The following NRCAM variants were observed in gnomAD, a reference collection of about 807,000 sequenced individuals.
NRCAM encodes neuronal cell adhesion molecule.
Under a neutral mutation model 156.5 loss-of-function variants are expected in NRCAM, and 83 were observed. The ratio of observed to expected loss-of-function variants is 0.53; its 90% CI spans 0.44 to 0.64. The LOEUF (loss-of-function observed/expected upper bound fraction) is 0.64, where lower values mean the gene tolerates loss of function less well. Among genes scored for constraint, NRCAM ranks in the 30% least tolerant of loss-of-function variants. The probability of loss-of-function intolerance (pLI) is 0.00; values close to 1 mark genes in which losing one functional copy is unlikely to be tolerated. For synonymous variants in NRCAM, 538 were observed against 563.9 expected (o/e 0.95, Z 0.65); for missense variants, 1,417 against 1,597.3 (o/e 0.89, Z 1.92).
intron 1 of NRCAM, among the ~76,000 whole-genome samples, chr7:108,412,485 T>G (rs1007586479): frequency 6.6e-5 from 10 of 152,224 alleles, no homozygotes; most frequent in African/African-American, 2.2e-4. Flanking sequence ...GAAATATATA[T>G]GCATTGTGGC....
intron 1 of NRCAM, among the ~76,000 whole-genome samples, chr7:108,403,059 T>C (rs190236841): frequency 4.5e-4 from 68 of 152,232 alleles, no homozygotes; most frequent in Non-Finnish European, 7.5e-4. Context: ...CTCCTTAGAG[T>C]GTCTTGAGTG....
At chr7:108,198,153 T>C (rs1328447871) in intron 13 of NRCAM, 54 bp from the exon 14 acceptor site, 1 of 1,449,106 alleles carries the variant, frequency 6.9e-7, no homozygotes, top group African/African-American at 1.4e-5. Flanking sequence ...AAAAGATGTA[T>C]ATTAAGCTTG....
intron 3 of NRCAM, among the ~76,000 whole-genome samples, chr7:108,304,594 C>T (rs916091350): frequency 6.6e-6 from 1 of 151,982 alleles, no homozygotes; most frequent in African/African-American, 2.4e-5. Context: ...ATGTAGATTC[C>T]ATAAATTAGT....
chr7:108,261,334 A>G (rs1287511427), intron 3 of NRCAM, among the ~76,000 whole-genome samples: 1 of 152,210 alleles, frequency 6.6e-6, no homozygotes, highest in East Asian at 1.9e-4. Context: ...TTTTCAGCAT[A>G]TATCACCACC....
chr7:108,325,189 A>G (rs1337239542), intron 2 of NRCAM, among the ~76,000 whole-genome samples: 2 of 152,064 alleles, frequency 1.3e-5, no homozygotes, highest in Admixed American at 6.6e-5. Flanking sequence ...ACCAATGGAG[A>G]AGAGAAAATG....
Position 108,160,501 on chromosome 7 carries a change from C to A in NRCAM, c.3467-9G>T, listed in dbSNP as rs1281049884. 2 of 1,612,844 alleles carry A rather than the reference C, an allele frequency of 1.2e-6. No individual in the cohort carries two copies. The highest frequency in any genetic ancestry group is 2.2e-5 in the East Asian group (1 of 44,834). On this transcript the variant is annotated splice_polypyrimidine_tract_variant and intron_variant, in intron 30 of 32. Coordinates refer to ENST00000379028, the MANE Select transcript of NRCAM (RefSeq NM_001037132.4). Reference sequence around the variant, plus strand: ...CTGCCGGCTTGCCATCGCTGGAAAACAAATCAATGGTGTTGGTGGCAATAG... The same window carrying A: ...CTGCCGGCTTGCCATCGCTGGAAAAAAAATCAATGGTGTTGGTGGCAATAG...
At chr7:108,243,914 T>C (rs914493963) in intron 3 of NRCAM, among the ~76,000 whole-genome samples, 2 of 152,212 alleles carry the variant, frequency 1.3e-5, no homozygotes, top group African/African-American at 4.8e-5. Flanking sequence ...GGTTCCCTTA[T>C]TTCTTTTGCC....
At chr7:108,163,141 T>C (rs971202039) in intron 30 of NRCAM, among the ~76,000 whole-genome samples, 1 of 152,160 alleles carries the variant, frequency 6.6e-6, no homozygotes, top group African/African-American at 2.4e-5. Flanking sequence ...TAAAAGAGAA[T>C]CTTCATTACT....
chr7:108,191,808 G>C lies in NRCAM; in HGVS notation c.1824C>G (p.Asp608Glu), dbSNP rs371709717. The change falls in exon 18 of 33, where the codon GAC becomes GAG. Residue 608 changes from aspartate (D) to glutamate (E), a missense_variant. Asp to Glu is a conservative substitution (Grantham distance 45). This residue lies in a region of NRCAM where 1,238 missense variants were observed against 1,336.4 expected (regional missense o/e 0.93). Coordinates refer to ENST00000379028, the MANE Select transcript of NRCAM (RefSeq NM_001037132.4). ...CACACGTGTAGGTCCCGCTGTCATCGTCACTGACATCAGCTACCACTAGAT... is the reference window on the plus strand; with the variant it reads ...CACACGTGTAGGTCCCGCTGTCATCCTCACTGACATCAGCTACCACTAGAT... Reference protein sequence around the residue: ...KDHLVVADVSDDDSGTYTCVA... With the variant: ...KDHLVVADVSEDDSGTYTCVA... The C allele has an allele frequency of 6.2e-7, 1 of 1,613,532 alleles. No individual in the cohort carries two copies. Among genetic ancestry groups the C allele is most frequent in the Admixed American group, 1.7e-5 (1 of 60,016 alleles).
rs763654132 is a variant in NRCAM at position 108,160,473 on chromosome 7, C to G, written c.3486G>C (p.Val1162=). The G allele has an allele frequency of 6.2e-7, 1 of 1,613,124 alleles. No individual in the cohort carries two copies. Residue 1162 remains valine (V), a synonymous_variant, in exon 31 of 33, where the codon GTG becomes GTC. Transcript: ENST00000379028. The part of the protein sequence containing the change: ...ETGPAMASRQ[V]DIATQGWFIG... ...TGAACCAGCCCTGAGTTGCAATATC[C>G]ACCTGCCGGCTTGCCATCGCTGGAA... is the stretch of plus-strand genomic sequence containing the variant.
chr7:108,233,942 G>T (rs2094609104), intron 6 of NRCAM, among the ~76,000 whole-genome samples: 1 of 152,148 alleles, frequency 6.6e-6, no homozygotes, highest in South Asian at 2.1e-4. Context: ...TGGTTGGACT[G>T]GGTTATCTCT....
At position 108,181,953 on chromosome 7, in the gene NRCAM, G is replaced by A. The variant is rs2063718547; in HGVS notation, c.2531-16C>T. 5.8e-6 allele frequency: 9 copies of A among 1,548,726 alleles called. No homozygotes were observed. Among genetic ancestry groups the A allele is most frequent in the South Asian group, 1.1e-5 (1 of 88,994 alleles). On this transcript the variant is annotated splice_polypyrimidine_tract_variant and intron_variant, in intron 23 of 32. Transcript: ENST00000379028. ...ACCATTGGGACTAGGAAAAGGACAG[G>A]GAAGTGGTAGAAGTATCAATGTTAT...
intron 2 of NRCAM, among the ~76,000 whole-genome samples, chr7:108,357,868 G>C (rs1486868684): frequency 6.6e-6 from 1 of 152,106 alleles, no homozygotes; most frequent in African/African-American, 2.4e-5. Flanking sequence ...TATTTGGAGA[G>C]GGAAAGAATA....
chr7:108,298,909 C>T (rs1404351188), intron 3 of NRCAM, among the ~76,000 whole-genome samples: 4 of 150,354 alleles, frequency 2.7e-5, no homozygotes, highest in Non-Finnish European at 3.0e-5. Flanking sequence ...AGTTCAAGAC[C>T]AGCCTGGCTA....
At chr7:108,276,057 T>G (rs1376441841) in intron 3 of NRCAM, among the ~76,000 whole-genome samples, 1 of 152,224 alleles carries the variant, frequency 6.6e-6, no homozygotes, top group Non-Finnish European at 1.5e-5. Flanking sequence ...AGTGAGTTTC[T>G]TAATCCCGAG....
At chr7:108,375,680 C>A (rs2099672238) in intron 2 of NRCAM, among the ~76,000 whole-genome samples, 1 of 152,176 alleles carries the variant, frequency 6.6e-6, no homozygotes, top group Non-Finnish European at 1.5e-5. Flanking sequence ...CTATGTTAAT[C>A]TTATATACAG....
At chr7:108,244,641 C>T (rs796645101) in intron 3 of NRCAM, among the ~76,000 whole-genome samples, 3 of 152,196 alleles carry the variant, frequency 2.0e-5, no homozygotes, top group East Asian at 3.9e-4. Flanking sequence ...AAAAAGTAGT[C>T]CGGGATAATA....
intron 1 of NRCAM, among the ~76,000 whole-genome samples, chr7:108,424,665 T>C (rs373647964): frequency 2.0e-5 from 3 of 152,220 alleles, no homozygotes; most frequent in African/African-American, 7.2e-5. Context: ...CCTGAGTGAA[T>C]AGTCATTTCA....
chr7:108,422,695 C>T (rs1380797312), intron 1 of NRCAM, among the ~76,000 whole-genome samples: 1 of 152,146 alleles, frequency 6.6e-6, no homozygotes, highest in East Asian at 1.9e-4. Context: ...GAAAGTCCTA[C>T]TAAGAACAGT....
Sources: allele counts gnomAD v4.1 joint callset (sites outside exome capture counted in the v4.1 genomes callset), GRCh38; gene constraint gnomAD v4.1.1; regional missense constraint gnomAD v4.1.1; transcripts MANE v1.5; gene names NCBI Gene and HGNC (gene_info 2026-07-23, HGNC 2026-07-21).